RNF152: variants seen among roughly 807,000 people sequenced by gnomAD.
The protein encoded by RNF152 is ring finger protein 152.
RNF152 carries 11 observed loss-of-function variants against 12.7 expected under a neutral mutation model. The observed-to-expected ratio is 0.86, with a 90% confidence interval of 0.54 to 1.43. RNF152 has a LOEUF of 1.43. Among genes scored for constraint, RNF152 ranks in the 40% most tolerant of loss-of-function variants. The probability of loss-of-function intolerance (pLI) is 0.00; values close to 1 mark genes in which losing one functional copy is unlikely to be tolerated. For missense variants in RNF152, 255 were observed against 274.8 expected, an observed-to-expected ratio of 0.93 and a Z score of 0.51; for synonymous variants, 113 against 120.3, an observed-to-expected ratio of 0.94 and a Z score of 0.40.
intron 1 of RNF152, among the ~76,000 whole-genome samples, chr18:61,862,252 T>A (rs1413044620): frequency 6.6e-6 from 1 of 152,196 alleles, no homozygotes; most frequent in Admixed American, 6.5e-5. Flanking sequence ...TACTTTCATG[T>A]CTACCACCTC....
chr18:61,820,340 A>C (rs1346540384), intron 1 of RNF152, among the ~76,000 whole-genome samples: 7 of 148,170 alleles, frequency 4.7e-5, no homozygotes, highest in South Asian at 2.1e-4. Context: ...CCAAAAAAAA[A>C]AAAAAAAAAA....
intron 1 of RNF152, among the ~76,000 whole-genome samples, chr18:61,854,636 G>A (rs1385716814): frequency 6.6e-6 from 1 of 152,172 alleles, no homozygotes; most frequent in Non-Finnish European, 1.5e-5. Context: ...GGGGTAATCA[G>A]AAGGTAGTGA....
chr18:61,853,745 T>C (rs557638574), intron 1 of RNF152, among the ~76,000 whole-genome samples: 50 of 152,204 alleles, frequency 3.3e-4, no homozygotes, highest in Non-Finnish European at 5.7e-4. Flanking sequence ...TACATTGGGC[T>C]CAACCAGATA....
chr18:61,882,870 C>T (rs1157823360), intron 1 of RNF152, among the ~76,000 whole-genome samples: 3 of 152,214 alleles, frequency 2.0e-5, no homozygotes, highest in Non-Finnish European at 4.4e-5. Flanking sequence ...CCCCCCTCCA[C>T]CCAACCCACA....
chr18:61,816,356 T>C lies in RNF152; in HGVS notation c.108A>G (p.Ser36=). 6.2e-7 allele frequency: 1 copy of C among 1,614,188 alleles called. No individual in the cohort carries two copies. Among genetic ancestry groups the C allele is most frequent in the Non-Finnish European group, 8.5e-7 (1 of 1,180,026 alleles). Residue 36 remains serine (S), a synonymous_variant, in exon 2 of 2, where the codon TCA becomes TCG. Transcript: ENST00000312828. ...KLLDCKHTCC[S]VCLQQMRTSQ... The stretch of plus-strand genomic sequence containing the variant: ...TGGTCCTCATCTGCTGCAGGCACAC[T>C]GAACAGCAGGTGTGCTTGCAGTCCA...
chr18:61,892,003 T>C (rs1439972683), intron 1 of RNF152, among the ~76,000 whole-genome samples: 1 of 152,174 alleles, frequency 6.6e-6, no homozygotes, highest in Non-Finnish European at 1.5e-5. Context: ...AATGCCGGAG[T>C]GTCCTGCTAA....
intron 1 of RNF152, among the ~76,000 whole-genome samples, chr18:61,820,052 G>A (rs57028779): frequency 0.13 from 17,976 of 141,220 alleles, 1,125 homozygotes; most frequent in Middle Eastern, 0.16. Flanking sequence ...GAATCCGGCC[G>A]GGCATGGTGG....
Position 61,855,392 on chromosome 18 carries a change from G to A in RNF152, c.-136+37403C>T, listed in dbSNP as rs538099099. Among the ~76,000 whole-genome samples, 5 of 152,372 alleles carry A rather than the reference G, an allele frequency of 3.3e-5. No homozygotes were observed. In the South Asian group the frequency reaches 6.2e-4, roughly 19 times the overall value. On this transcript the variant is annotated intron_variant, in intron 1 of 1. Coordinates refer to ENST00000312828, the MANE Select transcript of RNF152 (RefSeq NM_173557.3). ...AGCAGCCACTGCAGGGACGCCAGCT[G>A]TAGTGGGGGAGGCGCAGCCAGGACT...
chr18:61,885,034 T>C (rs190475033), intron 1 of RNF152, among the ~76,000 whole-genome samples: 23 of 152,324 alleles, frequency 1.5e-4, no homozygotes, highest in African/African-American at 5.3e-4. Flanking sequence ...TTATCCCAGT[T>C]AAGGACACCT....
At position 61,816,523 on chromosome 18, in the gene RNF152, G is replaced by A; in HGVS notation, c.-60C>T. On this transcript the variant is annotated 5_prime_UTR_variant, in exon 2 of 2. Coordinates refer to ENST00000312828, the MANE Select transcript of RNF152 (RefSeq NM_173557.3). ...GAAGGGGAAGGAGCTGCTTCTCAGA[G>A]GCCACCGCCCTGTGTCTTTGCAGTG... 1.9e-6 allele frequency: 3 copies of A among 1,548,104 alleles called. No homozygotes were observed. The highest frequency in any genetic ancestry group is 1.4e-5 in the African/African-American group (1 of 73,890).
At chr18:61,860,579 T>C (rs571986864) in intron 1 of RNF152, among the ~76,000 whole-genome samples, 12 of 152,342 alleles carry the variant, frequency 7.9e-5, no homozygotes, top group African/African-American at 2.9e-4. Flanking sequence ...CACACAATCA[T>C]GTACAGTACA....
At chr18:61,861,806 C>T (rs938827066) in intron 1 of RNF152, among the ~76,000 whole-genome samples, 41 of 152,106 alleles carry the variant, frequency 2.7e-4, no homozygotes, top group African/African-American at 9.4e-4. Context: ...CTCTTTGTAA[C>T]AACCAGCCCT....
intron 1 of RNF152, chr18:61,888,614 T>C (rs868592685): frequency 6.6e-6 from 1 of 152,250 alleles, no homozygotes; most frequent in Non-Finnish European, 1.5e-5. Context: ...AAGGCTGAGC[T>C]ATGATGTCAG....
At chr18:61,891,596 C>T (rs1038282453) in intron 1 of RNF152, among the ~76,000 whole-genome samples, 4 of 152,226 alleles carry the variant, frequency 2.6e-5, no homozygotes, top group Non-Finnish European at 5.9e-5. Context: ...CATTACTCAT[C>T]TGATCTTTGC....
chr18:61,876,738 C>A (rs902484651), intron 1 of RNF152, among the ~76,000 whole-genome samples: 1 of 152,166 alleles, frequency 6.6e-6, no homozygotes, highest in African/African-American at 2.4e-5. Context: ...ATTAATAGAA[C>A]CGTCTACTCT....
At chr18:61,888,921 T>G (rs532996375) in intron 1 of RNF152, 145 of 152,312 alleles carry the variant, frequency 9.5e-4, no homozygotes, top group African/African-American at 3.2e-3. Flanking sequence ...GGTATGAAAT[T>G]AAAGTGGTAG....
At position 61,816,496 on chromosome 18, in the gene RNF152, G is replaced by A. The variant is rs761366570; in HGVS notation, c.-33C>T. On this transcript the variant is annotated 5_prime_UTR_variant, in exon 2 of 2. Coordinates refer to ENST00000312828, the MANE Select transcript of RNF152 (RefSeq NM_173557.3). ...CGTGAGCAGGAAGGGCAAGGCCAAG[G>A]TGAAGGGGAAGGAGCTGCTTCTCAG... 2.2e-5 allele frequency: 35 copies of A among 1,569,082 alleles called. No homozygotes were observed. In the East Asian group the frequency reaches 7.7e-4, roughly 34 times the overall value.
chr18:61,880,016 C>T (rs973149875), intron 1 of RNF152, among the ~76,000 whole-genome samples: 5 of 151,814 alleles, frequency 3.3e-5, no homozygotes, highest in African/African-American at 7.3e-5. Context: ...TAGTGTATTC[C>T]GAAAAATCCT....
At chr18:61,885,562 C>T (rs1350270099) in intron 1 of RNF152, among the ~76,000 whole-genome samples, 1 of 152,192 alleles carries the variant, frequency 6.6e-6, no homozygotes, top group Non-Finnish European at 1.5e-5. Context: ...CCCGCCTCAG[C>T]CTCCCAAAGT....
Sources: allele counts gnomAD v4.1 joint callset (sites outside exome capture counted in the v4.1 genomes callset), GRCh38; gene constraint gnomAD v4.1.1; transcripts MANE v1.5; gene names NCBI Gene and HGNC (gene_info 2026-07-23, HGNC 2026-07-21).